PALM2AKAP2: variants seen among roughly 807,000 people sequenced by gnomAD.
The protein encoded by PALM2AKAP2 is PALM2 and AKAP2 fusion.
PALM2AKAP2 carries 37 observed loss-of-function variants against 71.5 expected under a neutral mutation model. That is an observed-to-expected ratio of 0.52 (90% CI 0.40 to 0.68). The LOEUF (loss-of-function observed/expected upper bound fraction) is 0.68. Among genes scored for constraint, PALM2AKAP2 ranks in the 30% least tolerant of loss-of-function variants. The pLI is 0.00. For synonymous variants in PALM2AKAP2, 468 were observed against 478.8 expected, an observed-to-expected ratio of 0.98 and a Z score of 0.29; for missense variants, 1,224 against 1,191.8, an observed-to-expected ratio of 1.03 and a Z score of -0.40.
chr9:109,991,885 T>C (rs759266053), intron 6 of PALM2AKAP2, among the ~76,000 whole-genome samples: 2 of 152,162 alleles, frequency 1.3e-5, no homozygotes, highest in Non-Finnish European at 2.9e-5. Context: ...TGTGTTTGAC[T>C]CCAGAAGACC....
chr9:109,863,565 C>T (rs992897255), intron 1 of PALM2AKAP2, among the ~76,000 whole-genome samples: 4 of 151,900 alleles, frequency 2.6e-5, no homozygotes, highest in Admixed American at 6.6e-5. Flanking sequence ...AATGAAGGCC[C>T]GAAGAGTTAC....
At chr9:109,939,201 T>C (rs1831302004) in intron 6 of PALM2AKAP2, among the ~76,000 whole-genome samples, 1 of 152,192 alleles carries the variant, frequency 6.6e-6, no homozygotes, top group Non-Finnish European at 1.5e-5. Context: ...TTACTCTCTT[T>C]CCCACTAAAC....
At chr9:109,931,874 C>G (rs1831109942) in intron 5 of PALM2AKAP2, 53 bp from the exon 6 acceptor site, 1 of 1,590,948 alleles carries the variant, frequency 6.3e-7, no homozygotes, top group African/African-American at 1.3e-5. Context: ...GCAGTGAACC[C>G]ATTGGGCCTC....
At chr9:109,688,220 T>TCA (rs1355877560) in intron 1 of PALM2AKAP2, among the ~76,000 whole-genome samples, 6 of 152,228 alleles carry the variant, frequency 3.9e-5, no homozygotes, top group Non-Finnish European at 5.9e-5. Context: ...GATTTATTCA[T>TCA]CACAGGGTTG....
At chr9:109,936,164 T>C (rs987740403) in intron 6 of PALM2AKAP2, among the ~76,000 whole-genome samples, 3 of 152,242 alleles carry the variant, frequency 2.0e-5, no homozygotes, top group Admixed American at 6.5e-5. Flanking sequence ...TCACACAATG[T>C]ATAATGATCA....
chr9:109,955,207 C>A (rs1385035968), intron 6 of PALM2AKAP2, among the ~76,000 whole-genome samples: 1 of 152,058 alleles, frequency 6.6e-6, no homozygotes, highest in Non-Finnish European at 1.5e-5. Context: ...AACTAAAGTC[C>A]CCTGAACTCT....
chr9:110,044,228 G>A (rs545683438), upstream of PALM2AKAP2, among the ~76,000 whole-genome samples: 13 of 152,034 alleles, frequency 8.6e-5, no homozygotes, highest in Non-Finnish European at 1.8e-4. Context: ...TTTTCAGTGA[G>A]GTCACCCACT....
At chr9:109,707,996 C>T (rs1175264080) in intron 1 of PALM2AKAP2, among the ~76,000 whole-genome samples, 2 of 152,184 alleles carry the variant, frequency 1.3e-5, no homozygotes, top group Non-Finnish European at 2.9e-5. Context: ...TTCATGGCCC[C>T]TTCTCCATTT....
chr9:109,743,898 A>G (rs1828758715), intron 1 of PALM2AKAP2, among the ~76,000 whole-genome samples: 2 of 152,204 alleles, frequency 1.3e-5, no homozygotes, highest in South Asian at 4.1e-4. Context: ...ATTCCAGCAA[A>G]TGACAAAATT....
chr9:109,770,890 T>C (rs1829250191), intron 1 of PALM2AKAP2, among the ~76,000 whole-genome samples: 1 of 152,236 alleles, frequency 6.6e-6, no homozygotes, highest in Non-Finnish European at 1.5e-5. Context: ...ATTATCTCAT[T>C]TGTTTGTCAC....
In PALM2AKAP2 at chr9:110,134,702, G is replaced by A. The variant is rs375125854; in HGVS notation, c.157-1425G>A. Among the ~76,000 whole-genome samples the A allele has an allele frequency of 4.0e-4, 61 of 152,186 alleles. No homozygotes were observed. The South Asian group carries it at 0.011, about 28-fold the overall frequency. On this transcript the variant is annotated intron_variant, in intron 1 of 3. Transcript: ENST00000374525. ...TTTTGAAATTAATTTCCTGAGAATC[G>A]TCCTAAGGTGGTGTTTTAATATTCT...
chr9:110,156,387 G>A, exon 3 of PALM2AKAP2: 1 of 1,612,332 alleles, frequency 6.2e-7, no homozygotes, highest in Admixed American at 1.7e-5. Context: ...GCCTGACTTA[G>A]CCCCTGAAGA....
intron 6 of PALM2AKAP2, among the ~76,000 whole-genome samples, chr9:109,963,293 A>G (rs1387132346): frequency 1.3e-5 from 2 of 152,232 alleles, no homozygotes; most frequent in Non-Finnish European, 2.9e-5. Flanking sequence ...GTAGAGAGAC[A>G]GGTACTTCCT....
In PALM2AKAP2 at chr9:109,709,146, G is replaced by A. The variant is rs150220057; in HGVS notation, c.5+68280G>A. On this transcript the variant is annotated intron_variant, in intron 1 of 6. Transcript: ENST00000374531. ...GAATCCAAACAGATCCTGGCCATTA[G>A]CAGGAGAGATTGAAGAGACCACAGC... Among the ~76,000 whole-genome samples, 72 of 152,320 alleles carry A rather than the reference G, an allele frequency of 4.7e-4. No homozygotes were observed. In the East Asian group the frequency reaches 0.013, roughly 28 times the overall value.
chr9:109,694,413 GA>G (rs1827938761), intron 1 of PALM2AKAP2, among the ~76,000 whole-genome samples: 3 of 152,012 alleles, frequency 2.0e-5, no homozygotes, highest in Admixed American at 1.3e-4. Context: ...ATAGAATTAA[GA>G]GGGGAAATAT....
intron 3 of PALM2AKAP2, among the ~76,000 whole-genome samples, chr9:110,163,353 T>C (rs1248238505): frequency 6.6e-6 from 1 of 152,160 alleles, no homozygotes; most frequent in South Asian, 2.1e-4. Context: ...TTCAGAATAA[T>C]ATAAGATAAT....
At chr9:109,956,355 T>A (rs12682819) in intron 6 of PALM2AKAP2, among the ~76,000 whole-genome samples, 42,067 of 151,868 alleles carry the variant, frequency 0.28, 6,627 homozygotes, top group East Asian at 0.69. Flanking sequence ...TTAAAAAAAA[T>A]ATTTCCAAGT....
intron 1 of PALM2AKAP2, among the ~76,000 whole-genome samples, chr9:109,792,882 T>G (rs574951368): frequency 1.1e-4 from 17 of 152,302 alleles, no homozygotes; most frequent in African/African-American, 3.6e-4. Context: ...TTGTTGTTGA[T>G]CTGAAATTCA....
chr9:109,715,277 A>T (rs1828299865), intron 1 of PALM2AKAP2, among the ~76,000 whole-genome samples: 1 of 152,208 alleles, frequency 6.6e-6, no homozygotes, highest in Admixed American at 6.5e-5. Context: ...TTGGAAATGT[A>T]CAAAAGTGGT....
Sources: allele counts gnomAD v4.1 joint callset (sites outside exome capture counted in the v4.1 genomes callset), GRCh38; gene constraint gnomAD v4.1.1; transcripts MANE v1.5; gene names NCBI Gene and HGNC (gene_info 2026-07-23, HGNC 2026-07-21).